The following PCDHA2 variants were observed in gnomAD, a reference collection of about 807,000 sequenced individuals.
PCDHA2 encodes the protein protocadherin alpha 2, also known as protocadherin alpha-2.
Under a neutral mutation model 66.0 loss-of-function variants are expected in PCDHA2, and 58 were observed. The observed-to-expected ratio is 0.88, with a 90% CI of 0.71 to 1.09. The LOEUF is 1.09. Ranked by LOEUF, PCDHA2 falls within the 50% of genes least tolerant of loss-of-function variation. PCDHA2 has a pLI of 0.00. For synonymous variants in PCDHA2, 634 were observed against 554.0 expected (o/e 1.14, Z -2.03); for missense variants, 1,267 against 1,242.3 (o/e 1.02, Z -0.30).
intron 1 of PCDHA2, among the ~76,000 whole-genome samples, chr5:140,947,946 C>T (rs1396530064): frequency 2.0e-5 from 3 of 151,452 alleles, no homozygotes; most frequent in African/African-American, 7.3e-5. Flanking sequence ...AAAAGTGTTC[C>T]ATATTTTACA....
At chr5:140,918,853 C>T (rs1348069562) in intron 1 of PCDHA2, among the ~76,000 whole-genome samples, 4 of 152,134 alleles carry the variant, frequency 2.6e-5, no homozygotes, top group Non-Finnish European at 5.9e-5. Context: ...CTGCTGGTGC[C>T]TGAATCATGA....
intron 1 of PCDHA2, among the ~76,000 whole-genome samples, chr5:140,818,867 A>G (rs1335170198): frequency 6.6e-6 from 1 of 152,204 alleles, no homozygotes; most frequent in Non-Finnish European, 1.5e-5. Flanking sequence ...GAGGCATAAA[A>G]AAGATGCCTG....
At chr5:140,881,579 C>A (rs1299755224) in intron 1 of PCDHA2, among the ~76,000 whole-genome samples, 1 of 152,168 alleles carries the variant, frequency 6.6e-6, no homozygotes, top group Non-Finnish European at 1.5e-5. Context: ...TCTCAAGTCA[C>A]ATTGAGGGAA....
At chr5:140,809,210 G>A (rs1764395892) in intron 1 of PCDHA2, 2 of 1,613,956 alleles carry the variant, frequency 1.2e-6, no homozygotes, top group African/African-American at 2.7e-5. Context: ...GAGTGGACAG[G>A]CGCCAAAGGC....
At chr5:140,874,757 C>T (rs984706003) in intron 1 of PCDHA2, among the ~76,000 whole-genome samples, 6 of 152,190 alleles carry the variant, frequency 3.9e-5, no homozygotes, top group Non-Finnish European at 8.8e-5. Context: ...CAAACAATAA[C>T]GCTCTCCATA....
chr5:140,803,517 C>G lies in PCDHA2; in HGVS notation c.2388+6165C>G, dbSNP rs782792820. ...CAAGACCGACCTCATGGCTTTTAGC[C>G]CTAGCCTTCCTCCTTGTCCAATTAG... On this transcript the variant is annotated intron_variant, in intron 1 of 3. Coordinates refer to ENST00000526136, the MANE Select transcript of PCDHA2 (RefSeq NM_018905.3). The G allele has an allele frequency of 1.9e-6, 3 of 1,614,084 alleles. No homozygotes were observed. In the African/African-American group the frequency reaches 4.0e-5, roughly 22 times the overall value.
In PCDHA2 at chr5:140,858,646, T is replaced by C. The variant is rs542211136; in HGVS notation, c.2388+61294T>C. 2.7e-5 allele frequency: 22 copies of C among 817,764 alleles called. 1 individual carries two copies. In the African/African-American group the frequency reaches 3.5e-4, roughly 13 times the overall value. 50.7% of individuals were successfully genotyped at this position (817,764 alleles called of 1,614,324 possible). A position where few individuals can be genotyped will look rare whatever the true frequency, so the allele number is the denominator to read the frequency against. On this transcript the variant is annotated intron_variant, in intron 1 of 3. Coordinates refer to ENST00000526136, the MANE Select transcript of PCDHA2 (RefSeq NM_018905.3). ...AGTGTGTCAGCCTTTGATTGGTACT[T>C]AAATTTTTTTAAATAACAATTTATT...
chr5:140,863,054 C>G (rs782230068), intron 1 of PCDHA2: 4 of 563,138 alleles, frequency 7.1e-6, no homozygotes, highest in Non-Finnish European at 1.4e-5. Flanking sequence ...TGGCAGCACC[C>G]GTTCCACGTG....
chr5:140,992,363 G>T (rs1028043863), intron 3 of PCDHA2, among the ~76,000 whole-genome samples: 2 of 152,136 alleles, frequency 1.3e-5, no homozygotes, highest in Non-Finnish European at 2.9e-5. Context: ...GAGAAAAATG[G>T]TTCCCATTAC....
intron 3 of PCDHA2, among the ~76,000 whole-genome samples, chr5:140,993,365 A>G (rs1207264244): frequency 1.3e-5 from 2 of 151,422 alleles, no homozygotes; most frequent in Admixed American, 6.6e-5. Flanking sequence ...CACAAAAACT[A>G]CCTCCCAGCC....
chr5:140,828,194 G>C, intron 1 of PCDHA2: 1 of 1,614,066 alleles, frequency 6.2e-7, no homozygotes, highest in Non-Finnish European at 8.5e-7. Flanking sequence ...CCACTACTCC[G>C]TACCCGAGGA....
At chr5:140,818,821 C>T (rs188829951) in intron 1 of PCDHA2, among the ~76,000 whole-genome samples, 156 of 152,316 alleles carry the variant, frequency 1.0e-3, no homozygotes, top group Admixed American at 2.0e-3. Flanking sequence ...GAGTGAGACT[C>T]TTTGTCACCC....
chr5:140,893,198 C>T (rs1242904411), intron 1 of PCDHA2, among the ~76,000 whole-genome samples: 2 of 152,164 alleles, frequency 1.3e-5, no homozygotes, highest in Admixed American at 6.5e-5. Flanking sequence ...AATAGTGCTG[C>T]AGTAAGTATG....
At chr5:140,897,485 A>G (rs1189975695) in intron 1 of PCDHA2, among the ~76,000 whole-genome samples, 2 of 151,884 alleles carry the variant, frequency 1.3e-5, no homozygotes, top group African/African-American at 4.8e-5. Flanking sequence ...GATGATTTCC[A>G]ATTTCAACCA....
At chr5:140,986,938 G>A (rs1025641797) in intron 3 of PCDHA2, among the ~76,000 whole-genome samples, 1 of 152,158 alleles carries the variant, frequency 6.6e-6, no homozygotes, top group African/African-American at 2.4e-5. Flanking sequence ...TGGAGGCTGG[G>A]TGTGGTCGCT....
At chr5:140,830,990 A>G (rs1771317150) in intron 1 of PCDHA2, 1 of 152,262 alleles carries the variant, frequency 6.6e-6, no homozygotes, top group Non-Finnish European at 1.5e-5. Context: ...TCTGATCATC[A>G]TAGTTTTTAT....
intron 1 of PCDHA2, chr5:140,869,061 G>A: frequency 6.4e-7 from 1 of 1,558,266 alleles, no homozygotes; most frequent in South Asian, 1.2e-5. Flanking sequence ...ATCTGGTACT[G>A]TAAGTGTAAA....
intron 1 of PCDHA2, among the ~76,000 whole-genome samples, chr5:140,890,993 AT>A (rs2062889744): frequency 6.6e-6 from 1 of 152,134 alleles, no homozygotes; most frequent in Non-Finnish European, 1.5e-5. Flanking sequence ...TTATTTCATC[AT>A]AATTATTGAA....
At chr5:140,843,144 C>G (rs1554139783) in intron 1 of PCDHA2, 3 of 1,596,036 alleles carry the variant, frequency 1.9e-6, no homozygotes, top group Non-Finnish European at 2.6e-6. Flanking sequence ...GCGTGGCTTT[C>G]GTATGAGCTG....
Sources: allele counts gnomAD v4.1 joint callset (sites outside exome capture counted in the v4.1 genomes callset), GRCh38; gene constraint gnomAD v4.1.1; transcripts MANE v1.5; gene names NCBI Gene and HGNC (gene_info 2026-07-23, HGNC 2026-07-21).